Variants in HOXD4 observed in about 807,000 individuals in gnomAD.
HOXD4 encodes the protein homeobox protein Hox-D4.
Under a neutral mutation model 22.6 loss-of-function variants are expected in HOXD4, and 15 were observed. The ratio of observed to expected loss-of-function variants is 0.67; its 90% CI spans 0.45 to 1.02. The LOEUF is 1.02. HOXD4 is among the 50% of genes least tolerant of loss of function. The pLI is 0.00. For synonymous variants in HOXD4, 176 were observed against 157.0 expected (o/e 1.12, Z -0.90); for missense variants, 350 against 346.6 (o/e 1.01, Z -0.08).
rs754775055 is a variant in HOXD4 at position 176,152,903 on chromosome 2, G to T, written c.729G>T (p.Pro243=). ...TCGCCCCCAGCCAGCATTTACAGCCGATGGCCAAAGACCACCACACGGACC... is the reference window on the plus strand; with the variant it reads ...TCGCCCCCAGCCAGCATTTACAGCCTATGGCCAAAGACCACCACACGGACC... The part of the protein sequence containing the change: ...SSVAPSQHLQ[P]MAKDHHTDLT... The change falls in exon 2 of 2, where the codon CCG becomes CCT. Residue 243 remains proline, a synonymous_variant. Transcript: ENST00000306324. This position sits in a 1 kb window ranked among gnomAD's most constrained non-coding sequence, Gnocchi z 5.2. 1 of 1,614,170 alleles carries T rather than the reference G, an allele frequency of 6.2e-7. No homozygotes were observed. The highest frequency in any genetic ancestry group is 8.5e-7 in the Non-Finnish European group (1 of 1,180,028).
In HOXD4 at chr2:176,152,644, C is replaced by G. The variant is rs1190037089; in HGVS notation, c.470C>G (p.Ser157Cys). Residue 157 changes from serine (S) to cysteine (C), a missense_variant, in exon 2 of 2, where the codon TCC (serine) becomes TGC (cysteine). Ser to Cys is a moderately radical substitution (Grantham distance 112). Transcript: ENST00000306324. This position sits in a 1 kb window ranked among gnomAD's most constrained non-coding sequence, Gnocchi z 5.2. The stretch of plus-strand genomic sequence containing the variant: ...TACACCGGTGGGGAACCCAAGCGGT[C>G]CCGAACGGCCTACACCCGGCAGCAA... ...PNYTGGEPKR[S>C]RTAYTRQQVL... 3.1e-6 allele frequency: 5 copies of G among 1,613,986 alleles called. No homozygotes were observed. The highest frequency in any genetic ancestry group is 1.3e-5 in the African/African-American group (1 of 74,896).
rs1574974310 is a variant in HOXD4 at position 176,153,131 on chromosome 2, T to G, written c.*189T>G. 10 of 347,152 alleles carry G rather than the reference T, an allele frequency of 2.9e-5. No individual in the cohort carries two copies. Among genetic ancestry groups the G allele is most frequent in the East Asian group, 2.4e-4 (3 of 12,548 alleles). 21.5% of individuals were successfully genotyped at this position (347,152 alleles called of 1,614,324 possible). ...CCCCCTCCCTAGAGCGGGATGGGGA[T>G]GGGAGGGGGGGCGGGATTCTCTCTC... is the stretch of plus-strand genomic sequence containing the variant. On this transcript the variant is annotated 3_prime_UTR_variant, in exon 2 of 2. Transcript: ENST00000306324.
At position 176,151,961 on chromosome 2, in the gene HOXD4, G is replaced by T; in HGVS notation, c.328G>T (p.Ala110Ser). The part of the protein sequence containing the change: ...PAPPPAPLPG[A>S]RAYSQSDPKQ... ...GCCTCCGCCGGCGCCCCTGCCTGGC[G>T]CCCGGGCCTACAGTCAGTCCGACCC... Residue 110 changes from alanine (A) to serine (S), a missense_variant, in exon 1 of 2, where the codon GCC (alanine) becomes TCC (serine). Physicochemically the swap from Ala to Ser is moderately conservative, Grantham distance 99. Transcript: ENST00000306324. 2 of 1,611,848 alleles carry T rather than the reference G, an allele frequency of 1.2e-6. No homozygotes were observed. Among genetic ancestry groups the T allele is most frequent in the Non-Finnish European group, 1.7e-6 (2 of 1,179,054 alleles).
Position 176,152,488 on chromosome 2 carries a change from T to A in HOXD4, c.434-120T>A. The A allele has an allele frequency of 1.2e-6, 1 of 823,552 alleles. No homozygotes were observed. The highest frequency in any genetic ancestry group is 2.0e-6 in the Non-Finnish European group (1 of 489,594). 51.0% of individuals were successfully genotyped at this position (823,552 alleles called of 1,614,324 possible). On this transcript the variant is annotated intron_variant, in intron 1 of 1. Coordinates refer to ENST00000306324, the MANE Select transcript of HOXD4 (RefSeq NM_014621.3). The surrounding 1 kb of genome is among the most constrained non-coding windows in gnomAD (Gnocchi z 5.2). Reference sequence around the variant, plus strand: ...GGCGGGAGGGAGGAAGCAAGCGAGCTTGGGAGCGCGCGGGGAGGGCCGCGG... The same window carrying A: ...GGCGGGAGGGAGGAAGCAAGCGAGCATGGGAGCGCGCGGGGAGGGCCGCGG...
In HOXD4 at chr2:176,151,697, G is replaced by A. The variant is rs150414482; in HGVS notation, c.64G>A (p.Glu22Lys). Residue 22 changes from glutamate (E) to lysine (K), a missense_variant, in exon 1 of 2, where the codon GAG becomes AAG. Physicochemically the swap from Glu to Lys is moderately conservative, Grantham distance 56. Coordinates refer to ENST00000306324, the MANE Select transcript of HOXD4 (RefSeq NM_014621.3). ...YVDPKFPPCE[E>K]YLQGGYLGEQ... ...GGACCCCAAGTTCCCTCCGTGCGAG[G>A]AGTATTTGCAGGGCGGCTACCTAGG... The A allele has an allele frequency of 1.5e-4, 246 of 1,613,652 alleles. No individual in the cohort carries two copies. The African/African-American group carries it at 2.9e-3, about 19-fold the overall frequency.
At position 176,151,977 on chromosome 2, in the gene HOXD4, A is replaced by G. The variant is rs1476921456; in HGVS notation, c.344A>G (p.Gln115Arg). ...CTGCCTGGCGCCCGGGCCTACAGTC[A>G]GTCCGACCCCAAGCAGCCGCCCTCC... The part of the protein sequence containing the change: ...APLPGARAYS[Q>R]SDPKQPPSGT... The change falls in exon 1 of 2, where the codon CAG becomes CGG. Residue 115 changes from glutamine (Q) to arginine (R), a missense_variant. Gln to Arg is a conservative substitution (Grantham distance 43). Coordinates refer to ENST00000306324, the MANE Select transcript of HOXD4 (RefSeq NM_014621.3). The G allele has an allele frequency of 4.3e-6, 7 of 1,613,096 alleles. No individual in the cohort carries two copies. The highest frequency in any genetic ancestry group is 1.1e-5 in the South Asian group (1 of 91,052).
Position 176,152,633 on chromosome 2 carries a change from A to G in HOXD4, c.459A>G (p.Glu153=), listed in dbSNP as rs1690564161. The change falls in exon 2 of 2, where the codon GAA becomes GAG. Residue 153 remains glutamate, a synonymous_variant. Transcript: ENST00000306324. The surrounding 1 kb of genome is among the most constrained non-coding windows in gnomAD (Gnocchi z 5.2). ...TGAACCCCAACTACACCGGTGGGGAACCCAAGCGGTCCCGAACGGCCTACA... is the reference window on the plus strand; with the variant it reads ...TGAACCCCAACTACACCGGTGGGGAGCCCAAGCGGTCCCGAACGGCCTACA... ...NSVNPNYTGG[E]PKRSRTAYTR... 6.8e-6 allele frequency: 11 copies of G among 1,613,374 alleles called. No individual in the cohort carries two copies. The highest frequency in any genetic ancestry group is 9.3e-6 in the Non-Finnish European group (11 of 1,179,474).
chr2:176,153,141 G>C lies in HOXD4; in HGVS notation c.*199G>C. 1.9e-6 allele frequency: 1 copy of C among 514,986 alleles called. No homozygotes were observed. The highest frequency in any genetic ancestry group is 3.6e-6 in the Non-Finnish European group (1 of 279,362). 31.9% of individuals were successfully genotyped at this position (514,986 alleles called of 1,614,324 possible). The stretch of plus-strand genomic sequence containing the variant: ...AGAGCGGGATGGGGATGGGAGGGGG[G>C]GCGGGATTCTCTCTCTAAGTATATT... On this transcript the variant is annotated 3_prime_UTR_variant, in exon 2 of 2. Coordinates refer to ENST00000306324, the MANE Select transcript of HOXD4 (RefSeq NM_014621.3).
Position 176,152,819 on chromosome 2 carries a change from G to T in HOXD4, c.645G>T (p.Leu215=). ...TGAAGTGGAAAAAAGATCATAAGCT[G>T]CCCAACACTAAAGGCAGGTCATCGT... is the stretch of plus-strand genomic sequence containing the variant. ...RRMKWKKDHK[L]PNTKGRSSSS... is the part of the protein sequence containing the mutation. Residue 215 remains leucine (L), a synonymous_variant, in exon 2 of 2, where the codon CTG becomes CTT. Transcript: ENST00000306324. This position sits in a 1 kb window ranked among gnomAD's most constrained non-coding sequence, Gnocchi z 5.2. 6.2e-7 allele frequency: 1 copy of T among 1,614,216 alleles called. No homozygotes were observed. Among genetic ancestry groups the T allele is most frequent in the South Asian group, 1.1e-5 (1 of 91,082 alleles).
Position 176,152,949 on chromosome 2 carries a change from G to A in HOXD4, c.*7G>A. On this transcript the variant is annotated 3_prime_UTR_variant, in exon 2 of 2. Transcript: ENST00000306324. The surrounding 1 kb of genome is among the most constrained non-coding windows in gnomAD (Gnocchi z 5.2). ...GGACCTGACGACCTTATAGAAGTGG[G>A]GACCCTGGGCCCATCTCTCCCTGCG... The A allele has an allele frequency of 6.2e-7, 1 of 1,613,732 alleles. No homozygotes were observed. Among genetic ancestry groups the A allele is most frequent in the African/African-American group, 1.3e-5 (1 of 75,036 alleles).
rs542100496 is a variant in HOXD4 at position 176,151,751 on chromosome 2, G to T, written c.118G>T (p.Gly40Cys). The change falls in exon 1 of 2, where the codon GGC becomes TGC. Residue 40 changes from glycine (G) to cysteine (C), a missense_variant. Physicochemically the swap from Gly to Cys is radical, Grantham distance 159 (BLOSUM62 -3). Coordinates refer to ENST00000306324, the MANE Select transcript of HOXD4 (RefSeq NM_014621.3). ...GCAGGGCGCCGACTACTACGGCGGC[G>T]GCGCGCAGGGCGCAGACTTCCAGCC... ...GEQGADYYGG[G>C]AQGADFQPPG... The T allele has an allele frequency of 8.1e-6, 13 of 1,612,960 alleles. No homozygotes were observed. The Admixed American group carries it at 1.7e-4, about 21-fold the overall frequency.
rs2105423503 is a variant in HOXD4, at chr2:176,152,540, G to A, written c.434-68G>A. On this transcript the variant is annotated intron_variant, in intron 1 of 1. Coordinates refer to ENST00000306324, the MANE Select transcript of HOXD4 (RefSeq NM_014621.3). The surrounding 1 kb of genome is among the most constrained non-coding windows in gnomAD (Gnocchi z 5.2). ...CCTCGGGGCGCGCCAGGAAGTGAGC[G>A]GCGGAGGCGAGGGGCCTAACTAGTG... The A allele has an allele frequency of 4.4e-6, 6 of 1,348,496 alleles. No homozygotes were observed. Among genetic ancestry groups the A allele is most frequent in the South Asian group, 1.2e-5 (1 of 85,224 alleles). 83.5% of individuals were successfully genotyped at this position (1,348,496 alleles called of 1,614,324 possible).
At position 176,151,711 on chromosome 2, in the gene HOXD4, C is replaced by T; in HGVS notation, c.78C>T (p.Gly26=). 5 of 1,613,574 alleles carry T rather than the reference C, an allele frequency of 3.1e-6. No homozygotes were observed. Among genetic ancestry groups the T allele is most frequent in the Non-Finnish European group, 4.2e-6 (5 of 1,179,976 alleles). The change falls in exon 1 of 2, where the codon GGC becomes GGT. Residue 26 remains glycine, a synonymous_variant. Transcript: ENST00000306324. The part of the protein sequence containing the change: ...KFPPCEEYLQ[G]GYLGEQGADY... ...CTCCGTGCGAGGAGTATTTGCAGGG[C>T]GGCTACCTAGGCGAGCAGGGCGCCG... is the stretch of plus-strand genomic sequence containing the variant.
In HOXD4 at chr2:176,151,669, T is replaced by C. The variant is rs759975586; in HGVS notation, c.36T>C (p.Tyr12=). The C allele has an allele frequency of 6.2e-7, 1 of 1,613,538 alleles. No individual in the cohort carries two copies. Among genetic ancestry groups the C allele is most frequent in the African/African-American group, 1.3e-5 (1 of 75,066 alleles). Residue 12 remains tyrosine, a synonymous_variant, in exon 1 of 2, where the codon TAT becomes TAC. Coordinates refer to ENST00000306324, the MANE Select transcript of HOXD4 (RefSeq NM_014621.3). The stretch of plus-strand genomic sequence containing the variant: ...GTTCGTATATGGTGAACTCCAAGTA[T>C]GTGGACCCCAAGTTCCCTCCGTGCG... ...VMSSYMVNSK[Y]VDPKFPPCEE...
Position 176,151,733 on chromosome 2 carries a change from G to A in HOXD4, c.100G>A (p.Ala34Thr). The A allele has an allele frequency of 1.9e-6, 3 of 1,613,378 alleles. No homozygotes were observed. Among genetic ancestry groups the A allele is most frequent in the African/African-American group, 1.3e-5 (1 of 75,068 alleles). ...GGGCGGCTACCTAGGCGAGCAGGGC[G>A]CCGACTACTACGGCGGCGGCGCGCA... ...LQGGYLGEQG[A>T]DYYGGGAQGA... is the part of the protein sequence containing the mutation. The change falls in exon 1 of 2, where the codon GCC becomes ACC. Residue 34 changes from alanine (A) to threonine (T), a missense_variant. Transcript: ENST00000306324.
Position 176,152,914 on chromosome 2 carries a change from A to G in HOXD4, c.740A>G (p.Asp247Gly). The G allele has an allele frequency of 1.2e-6, 2 of 1,614,048 alleles. No individual in the cohort carries two copies. Among genetic ancestry groups the G allele is most frequent in the Non-Finnish European group, 1.7e-6 (2 of 1,179,996 alleles). ...CAGCATTTACAGCCGATGGCCAAAG[A>G]CCACCACACGGACCTGACGACCTTA... ...PSQHLQPMAK[D>G]HHTDLTTL Residue 247 changes from aspartate to glycine, a missense_variant, in exon 2 of 2, where the codon GAC becomes GGC. By Grantham distance (94) the Asp-to-Gly change is moderately conservative (BLOSUM62 -1). Coordinates refer to ENST00000306324, the MANE Select transcript of HOXD4 (RefSeq NM_014621.3). The surrounding 1 kb of genome is among the most constrained non-coding windows in gnomAD (Gnocchi z 5.2).
Position 176,152,842 on chromosome 2 carries a change from C to T in HOXD4, c.668C>T (p.Ser223Leu). ...CTGCCCAACACTAAAGGCAGGTCAT[C>T]GTCCTCATCTTCCTCCTCATCTTGC... Reference protein sequence around the residue: ...HKLPNTKGRSSSSSSSSSCSS... With the variant: ...HKLPNTKGRSLSSSSSSSCSS... Residue 223 changes from serine to leucine, a missense_variant, in exon 2 of 2, where the codon TCG becomes TTG. Coordinates refer to ENST00000306324, the MANE Select transcript of HOXD4 (RefSeq NM_014621.3). The surrounding 1 kb of genome is among the most constrained non-coding windows in gnomAD (Gnocchi z 5.2). The T allele has an allele frequency of 6.2e-7, 1 of 1,614,186 alleles. No individual in the cohort carries two copies. Among genetic ancestry groups the T allele is most frequent in the Non-Finnish European group, 8.5e-7 (1 of 1,180,036 alleles).
In HOXD4 at chr2:176,152,688, G is replaced by C; in HGVS notation, c.514G>C (p.Glu172Gln). 1 of 1,614,184 alleles carries C rather than the reference G, an allele frequency of 6.2e-7. No homozygotes were observed. The highest frequency in any genetic ancestry group is 8.5e-7 in the Non-Finnish European group (1 of 1,180,026). The change falls in exon 2 of 2, where the codon GAA (glutamate) becomes CAA (glutamine). Residue 172 changes from glutamate to glutamine, a missense_variant. Coordinates refer to ENST00000306324, the MANE Select transcript of HOXD4 (RefSeq NM_014621.3). The surrounding 1 kb of genome is among the most constrained non-coding windows in gnomAD (Gnocchi z 5.2). ...GCAGCAAGTCCTAGAACTGGAAAAA[G>C]AATTTCATTTTAACAGGTATCTGAC... ...TRQQVLELEK[E>Q]FHFNRYLTRR...
chr2:176,153,161 T>G lies in HOXD4; in HGVS notation c.*219T>G. The G allele has an allele frequency of 1.7e-6, 1 of 580,290 alleles. No homozygotes were observed. The highest frequency in any genetic ancestry group is 3.0e-5 in the Admixed American group (1 of 32,940). The allele number at this position is 580,290 out of a possible 1,614,324, so 35.9% of individuals were successfully genotyped here. On this transcript the variant is annotated 3_prime_UTR_variant, in exon 2 of 2. Transcript: ENST00000306324. ...GGGGGGGCGGGATTCTCTCTCTAAGTATATTATATGGCAGGAGCTACTGAG... is the reference window on the plus strand; with the variant it reads ...GGGGGGGCGGGATTCTCTCTCTAAGGATATTATATGGCAGGAGCTACTGAG...
Sources: gnomAD v4.1 joint callset for allele counts on GRCh38, gnomAD v4.1.1 for gene constraint, Gnocchi (gnomAD v3.1) non-coding constraint, MANE v1.5 for transcripts, NCBI Gene and HGNC (gene_info 2026-07-23, HGNC 2026-07-21) for gene names.